Variants in USP20 observed in about 807,000 individuals in gnomAD.
USP20 encodes ubiquitin carboxyl-terminal hydrolase 20.
A neutral mutation model predicts 124.2 loss-of-function variants in USP20; 80 were observed. That is an observed-to-expected ratio of 0.64 (90% CI 0.54 to 0.78). USP20 has a LOEUF of 0.78. USP20 is among the 30% of genes least tolerant of loss of function. The pLI, the probability that USP20 is intolerant of heterozygous loss-of-function variation, is 0.00. For synonymous variants in USP20, 481 were observed against 512.3 expected, an observed-to-expected ratio of 0.94 and a Z score of 0.83; for missense variants, 1,043 against 1,244.4, an observed-to-expected ratio of 0.84 and a Z score of 2.44.
Position 129,839,591 on chromosome 9 carries a change from G to T in USP20, c.-129+4092G>T, listed in dbSNP as rs1042218022. Among the ~76,000 whole-genome samples, 1 of 152,010 alleles carries T rather than the reference G, an allele frequency of 6.6e-6. No homozygotes were observed. The highest frequency in any genetic ancestry group is 2.1e-4 in the South Asian group (1 of 4,834). On this transcript the variant is annotated intron_variant, in intron 1 of 25. Coordinates refer to ENST00000372429, the MANE Select transcript of USP20 (RefSeq NM_001110303.4). This position sits in a 1 kb window ranked among gnomAD's most constrained non-coding sequence, Gnocchi z 4.5. ...AGAAAGGGTGTGCGAGGGCCAGAGG[G>T]GACTGTGGAGGGGGTGGGCACACAC...
At chr9:129,871,838 T>G (rs2034143891) in intron 15 of USP20, among the ~76,000 whole-genome samples, 1 of 152,032 alleles carries the variant, frequency 6.6e-6, no homozygotes, top group Admixed American at 6.5e-5. Context: ...TGCCTCAGCC[T>G]CCCGAGTAGC....
chr9:129,879,681 C>T lies in USP20; in HGVS notation c.2584+37C>T, dbSNP rs751892505. 1 of 1,609,498 alleles carries T rather than the reference C, an allele frequency of 6.2e-7. No homozygotes were observed. The highest frequency in any genetic ancestry group is 2.2e-5 in the East Asian group (1 of 44,866). On this transcript the variant is annotated intron_variant, in intron 24 of 25. Coordinates refer to ENST00000372429, the MANE Select transcript of USP20 (RefSeq NM_001110303.4). The surrounding 1 kb of genome is among the most constrained non-coding windows in gnomAD (Gnocchi z 4.2). ...CTGGGGTCAGCCAGGCTCCTCTCTG[C>T]CCTTCCTGGCTGCCAGGCTGCTGCC...
chr9:129,867,974 G>A, intron 10 of USP20, 31 bp from the exon 11 acceptor site: 1 of 1,591,738 alleles, frequency 6.3e-7, no homozygotes, highest in South Asian at 1.1e-5. Flanking sequence ...TGCCTCCAGG[G>A]GAGCCCTGTT....
At chr9:129,859,754 G>T (rs1219374092) in intron 6 of USP20, among the ~76,000 whole-genome samples, 6 of 152,202 alleles carry the variant, frequency 3.9e-5, no homozygotes, top group Non-Finnish European at 8.8e-5. Flanking sequence ...TATAATACAG[G>T]CTGGGCGCCA....
At chr9:129,841,451 G>C (rs186140786) in intron 1 of USP20, among the ~76,000 whole-genome samples, 2 of 152,304 alleles carry the variant, frequency 1.3e-5, no homozygotes, top group African/African-American at 2.4e-5. Context: ...GCATATGAAT[G>C]GGGGAGAGAG....
intron 15 of USP20, among the ~76,000 whole-genome samples, chr9:129,871,334 CGT>C (rs34797521): frequency 0.95 from 144,960 of 152,126 alleles, 69,467 homozygotes; most frequent in East Asian, 1. Context: ...CACGTTGCAG[CGT>C]GTGTGTCGGA....
intron 2 of USP20, among the ~76,000 whole-genome samples, chr9:129,850,581 G>A (rs775144300): frequency 6.6e-6 from 1 of 152,188 alleles, no homozygotes; most frequent in Non-Finnish European, 1.5e-5. Context: ...GGGCACGTAA[G>A]GAGGAGTCTG....
intron 1 of USP20, among the ~76,000 whole-genome samples, chr9:129,840,481 T>C (rs2032138312): frequency 1.3e-5 from 2 of 152,150 alleles, no homozygotes; most frequent in Non-Finnish European, 2.9e-5. Context: ...TGCTCCCACC[T>C]CAAAGGTGAG....
At chr9:129,840,402 C>A (rs2032132895) in intron 1 of USP20, among the ~76,000 whole-genome samples, 1 of 152,148 alleles carries the variant, frequency 6.6e-6, no homozygotes, top group Non-Finnish European at 1.5e-5. Context: ...GGTACCAGGT[C>A]TGGAGGCTCA....
At chr9:129,875,114 C>T (rs1428210068) in intron 19 of USP20, among the ~76,000 whole-genome samples, 159 bp downstream of exon 19, 3 of 152,166 alleles carry the variant, frequency 2.0e-5, no homozygotes, top group Admixed American at 2.0e-4. Flanking sequence ...GTGGGGAACC[C>T]AGGAAGGCAG....
At chr9:129,873,080 C>CTTTTTTTTTTTTTTTTTTTTTTT (rs59712662) in intron 15 of USP20, among the ~76,000 whole-genome samples, 34 of 78,346 alleles carry the variant, frequency 4.3e-4, no homozygotes, top group East Asian at 1.3e-3. Context: ...TTTTCTTCTT[C>CTTTTTTTTTTTTTTTTTTTTTTT]TTTTTTTTTT....
chr9:129,848,322 G>A (rs928342118), intron 1 of USP20, among the ~76,000 whole-genome samples: 1 of 152,024 alleles, frequency 6.6e-6, no homozygotes, highest in Non-Finnish European at 1.5e-5. Flanking sequence ...AAAAAAACTA[G>A]CCAGGTGATT....
At chr9:129,862,237 G>A (rs1168413775) in intron 8 of USP20, among the ~76,000 whole-genome samples, 1 of 152,160 alleles carries the variant, frequency 6.6e-6, no homozygotes, top group African/African-American at 2.4e-5. Flanking sequence ...GTGGCAGGAT[G>A]CAGGTCAATT....
At chr9:129,871,346 A>T (rs2034119534) in intron 15 of USP20, among the ~76,000 whole-genome samples, 2 of 151,290 alleles carry the variant, frequency 1.3e-5, no homozygotes, top group Admixed American at 6.6e-5. Flanking sequence ...TGTGTGTCGG[A>T]ATGCCCTGCC....
chr9:129,860,903 T>A, intron 6 of USP20, 34 bp from the exon 7 acceptor site: 1 of 1,606,968 alleles, frequency 6.2e-7, no homozygotes, highest in Non-Finnish European at 8.5e-7. Context: ...GCCCCTCTGT[T>A]CACTGTTTTC....
intron 16 of USP20, 28 bp downstream of exon 16, chr9:129,873,543 C>T (rs755203338): frequency 6.2e-6 from 10 of 1,614,040 alleles, no homozygotes; most frequent in Admixed American, 5.0e-5. Flanking sequence ...CGCCTTCTCC[C>T]TAACTGCCGT....
rs374708624 is a variant in USP20, at chr9:129,880,105, C to T, written c.2585-8C>T. 3.1e-6 allele frequency: 5 copies of T among 1,612,716 alleles called. No homozygotes were observed. The highest frequency in any genetic ancestry group is 4.2e-6 in the Non-Finnish European group (5 of 1,179,210). On this transcript the variant is annotated splice_region_variant and splice_polypyrimidine_tract_variant and intron_variant, in intron 24 of 25. Coordinates refer to ENST00000372429, the MANE Select transcript of USP20 (RefSeq NM_001110303.4). ...GGTGAGCCTAGGGGTGCCTCTCGTGCCCTGCAGGAGCTGACTACGGGCAGA... is the reference window on the plus strand; with the variant it reads ...GGTGAGCCTAGGGGTGCCTCTCGTGTCCTGCAGGAGCTGACTACGGGCAGA...
At chr9:129,852,666 C>T in intron 3 of USP20, 30 bp downstream of exon 3, 3 of 1,559,170 alleles carry the variant, frequency 1.9e-6, no homozygotes, top group Non-Finnish European at 2.6e-6. Flanking sequence ...GGGGCCAGGG[C>T]CCACACCCAG....
At position 129,874,875 on chromosome 9, in the gene USP20, G is replaced by A. The variant is rs2034312891; in HGVS notation, c.1968G>A (p.Trp656Ter). Reference sequence around the variant, plus strand: ...GCCAGAACGTGATCAATGGGCAGTGGTACGAGTTTGATGACCAGTACGTCA... The same window carrying A: ...GCCAGAACGTGATCAATGGGCAGTGATACGAGTTTGATGACCAGTACGTCA... Reference protein sequence around the residue: ...AYCQNVINGQWYEFDDQYVTE... With the variant: ...AYCQNVINGQ The change falls in exon 19 of 26, where the codon TGG (tryptophan) becomes TGA (stop). Residue 656 changes from tryptophan (W) to a stop codon, truncating the protein, a stop_gained. Transcript: ENST00000372429. LOFTEE classifies it high-confidence loss of function. 1 of 1,614,148 alleles carries A rather than the reference G, an allele frequency of 6.2e-7. No homozygotes were observed. Among genetic ancestry groups the A allele is most frequent in the Non-Finnish European group, 8.5e-7 (1 of 1,180,036 alleles).
Sources: allele counts gnomAD v4.1 joint callset (sites outside exome capture counted in the v4.1 genomes callset), GRCh38; gene constraint gnomAD v4.1.1; non-coding constraint Gnocchi (gnomAD v3.1); transcripts MANE v1.5; gene names NCBI Gene and HGNC (gene_info 2026-07-23, HGNC 2026-07-21).